The following MACROD1 variants were observed in gnomAD, a reference collection of about 807,000 sequenced individuals.
MACROD1 encodes ADP-ribose glycohydrolase MACROD1.
A neutral mutation model predicts 41.4 loss-of-function variants in MACROD1; 31 were observed. That is an observed-to-expected ratio of 0.75 (90% confidence interval 0.56 to 1.01). The LOEUF (loss-of-function observed/expected upper bound fraction) is 1.01, where lower values mean the gene tolerates loss of function less well. Among genes scored for constraint, MACROD1 ranks in the 50% least tolerant of loss-of-function variants. The probability of loss-of-function intolerance (pLI) is 0.00; values close to 1 mark genes in which losing one functional copy is unlikely to be tolerated. For missense variants in MACROD1, 473 were observed against 460.0 expected (o/e 1.03, Z -0.26); for synonymous variants, 252 against 203.4 (o/e 1.24, Z -2.03).
At chr11:64,134,556 C>A (rs1765339922) in intron 3 of MACROD1, among the ~76,000 whole-genome samples, 1 of 152,158 alleles carries the variant, frequency 6.6e-6, no homozygotes, top group African/African-American at 2.4e-5. Flanking sequence ...GTTTACCTGG[C>A]ATGAAGCAAG....
At chr11:64,109,928 G>A (rs1310812165) in intron 3 of MACROD1, among the ~76,000 whole-genome samples, 1 of 152,094 alleles carries the variant, frequency 6.6e-6, no homozygotes, top group Admixed American at 6.5e-5. Flanking sequence ...GGACAGAGAC[G>A]GGCAGCTACT....
At chr11:64,010,476 G>T (rs113492401) in intron 4 of MACROD1, among the ~76,000 whole-genome samples, 4 of 151,212 alleles carry the variant, frequency 2.6e-5, no homozygotes, top group Non-Finnish European at 5.9e-5. Flanking sequence ...CATGTTGGTT[G>T]GGGTGTTGGC....
At chr11:64,033,675 T>C (rs1324113436) in intron 3 of MACROD1, among the ~76,000 whole-genome samples, 1 of 151,990 alleles carries the variant, frequency 6.6e-6, no homozygotes, top group Non-Finnish European at 1.5e-5. Context: ...ACCCCGTCTC[T>C]GCTAAAAATA....
chr11:64,139,924 C>G (rs1264637118), intron 3 of MACROD1, among the ~76,000 whole-genome samples: 4 of 148,376 alleles, frequency 2.7e-5, no homozygotes, highest in Middle Eastern at 4.0e-3. Flanking sequence ...CCACTGCACT[C>G]TAGCCTGGGT....
intron 3 of MACROD1, among the ~76,000 whole-genome samples, chr11:64,140,292 T>C (rs761009533): frequency 2.0e-5 from 3 of 152,358 alleles, no homozygotes; most frequent in Admixed American, 6.5e-5. Flanking sequence ...AGAGCAGGCA[T>C]GGACCGCCTT....
chr11:64,105,030 G>T (rs1944734323), intron 3 of MACROD1, among the ~76,000 whole-genome samples: 1 of 152,264 alleles, frequency 6.6e-6, no homozygotes, highest in African/African-American at 2.4e-5. Context: ...GTTGATTTAT[G>T]ATTGCACCAG....
At chr11:64,083,460 A>G (rs964175489) in intron 3 of MACROD1, among the ~76,000 whole-genome samples, 3 of 152,184 alleles carry the variant, frequency 2.0e-5, no homozygotes, top group Non-Finnish European at 4.4e-5. Flanking sequence ...CAAAAATAAA[A>G]GAAGCAAATG....
At chr11:64,063,428 G>A (rs1223984130) in intron 3 of MACROD1, among the ~76,000 whole-genome samples, 1 of 152,098 alleles carries the variant, frequency 6.6e-6, no homozygotes, top group Non-Finnish European at 1.5e-5. Context: ...GGAGGGAGAG[G>A]AGGAGGACTT....
intron 3 of MACROD1, 65 bp downstream of exon 3, chr11:64,151,174 C>A: frequency 7.1e-7 from 1 of 1,403,578 alleles, no homozygotes; most frequent in Non-Finnish European, 1.0e-6. Context: ...CCAGGCCTGG[C>A]ACAGCAGAGC....
intron 3 of MACROD1, among the ~76,000 whole-genome samples, chr11:64,068,787 C>T (rs920237013): frequency 9.2e-5 from 14 of 152,254 alleles, no homozygotes; most frequent in African/African-American, 3.4e-4. Context: ...GGAGCACCCC[C>T]ATGGGCATGC....
chr11:64,164,668 G>A (rs11607903), intron 1 of MACROD1, among the ~76,000 whole-genome samples: 16,693 of 152,162 alleles, frequency 0.11, 1,155 homozygotes, highest in Non-Finnish European at 0.16. Flanking sequence ...TCCACCTCTG[G>A]TCCCGAGAAA....
At position 64,036,239 on chromosome 11, in the gene MACROD1, G is replaced by C. The variant is rs1275207539; in HGVS notation, c.518-20958C>G. 1 of 152,222 alleles carries C rather than the reference G, an allele frequency of 6.6e-6. No individual in the cohort carries two copies. The highest frequency in any genetic ancestry group is 1.5e-5 in the Non-Finnish European group (1 of 68,086). 9.4% of individuals were successfully genotyped at this position (152,222 alleles called of 1,614,324 possible). A position where few individuals can be genotyped will look rare whatever the true frequency, so the allele number is the denominator to read the frequency against. On this transcript the variant is annotated intron_variant, in intron 3 of 10. Coordinates refer to ENST00000255681, the MANE Select transcript of MACROD1 (RefSeq NM_014067.4). This position sits in a 1 kb window ranked among gnomAD's most constrained non-coding sequence, Gnocchi z 5.6. Reference sequence around the variant, plus strand: ...CCAGAGCCGACGGGGCGGGGGCCGGGGGCCCGGGGGCACCGAAGCGCCACG... The same window carrying C: ...CCAGAGCCGACGGGGCGGGGGCCGGCGGCCCGGGGGCACCGAAGCGCCACG...
rs533890915 is a variant in MACROD1, at chr11:64,046,742, G to A, written c.518-31461C>T. Among the ~76,000 whole-genome samples the A allele has an allele frequency of 7.9e-5, 12 of 152,030 alleles. No individual in the cohort carries two copies. In the South Asian group the frequency reaches 1.9e-3, roughly 24 times the overall value. On this transcript the variant is annotated intron_variant, in intron 3 of 10. Transcript: ENST00000255681. ...TTGAACTCCTGACCTTGAGTAATCC[G>A]CCTGCCTCAACGTCCCAAAGTGCTG...
rs1943064473 is a variant in MACROD1 at position 64,015,256 on chromosome 11, A to G, written c.543T>C (p.Gly181=). ...NAANSSLLGG[G]GVDGCIHRAA... ...CAAGACAGAAGGTCCACTCACCGCC[A>G]CCGCCTCCGAGCAGGGAGCTGTTGG... The change falls in exon 4 of 11, where the codon GGT becomes GGC. Residue 181 remains glycine, a synonymous_variant. Transcript: ENST00000255681. The G allele has an allele frequency of 6.2e-7, 1 of 1,604,634 alleles. No homozygotes were observed. The highest frequency in any genetic ancestry group is 1.1e-5 in the South Asian group (1 of 89,180).
At chr11:64,108,869 ACCACACACCAGTGCCAGG>A (rs941962730) in intron 3 of MACROD1, among the ~76,000 whole-genome samples, 6 of 152,042 alleles carry the variant, frequency 3.9e-5, no homozygotes, top group African/African-American at 4.8e-5. Context: ...GTCTGCAGCA[ACCACACACCAGTGCCAGG>A]CCACACACCA....
At chr11:64,070,517 GA>G (rs1944087455) in intron 3 of MACROD1, among the ~76,000 whole-genome samples, 1 of 152,196 alleles carries the variant, frequency 6.6e-6, no homozygotes, top group Non-Finnish European at 1.5e-5. Context: ...CAGGCCATGG[GA>G]AGGCTGCCCG....
chr11:64,104,790 G>A (rs1278456622), intron 3 of MACROD1, among the ~76,000 whole-genome samples: 1 of 152,168 alleles, frequency 6.6e-6, no homozygotes, highest in African/African-American at 2.4e-5. Context: ...CTGAGGCCCA[G>A]AGAAGGGCAG....
chr11:64,003,308 C>T (rs1018267330), intron 4 of MACROD1, among the ~76,000 whole-genome samples: 3 of 152,204 alleles, frequency 2.0e-5, no homozygotes, highest in Admixed American at 6.5e-5. Flanking sequence ...ACCTCTGCCT[C>T]CTGGGTTCAA....
chr11:64,098,375 G>T lies in MACROD1; in HGVS notation c.517+52864C>A, dbSNP rs775541272. ...CCTCCCACCTCCAGTCTTCACATAGGCTGTTCCCTCAGCCTGAAATGTTCT... is the reference window on the plus strand; with the variant it reads ...CCTCCCACCTCCAGTCTTCACATAGTCTGTTCCCTCAGCCTGAAATGTTCT... On this transcript the variant is annotated intron_variant, in intron 3 of 10. Coordinates refer to ENST00000255681, the MANE Select transcript of MACROD1 (RefSeq NM_014067.4). Among the ~76,000 whole-genome samples the T allele has an allele frequency of 3.3e-5, 5 of 152,154 alleles. No homozygotes were observed. The South Asian group carries it at 6.2e-4, about 19-fold the overall frequency.
Sources: allele counts gnomAD v4.1 joint callset (sites outside exome capture counted in the v4.1 genomes callset), GRCh38; gene constraint gnomAD v4.1.1; non-coding constraint Gnocchi (gnomAD v3.1); transcripts MANE v1.5; gene names NCBI Gene and HGNC (gene_info 2026-07-23, HGNC 2026-07-21).